The following IL21R variants were observed in gnomAD, a reference collection of about 807,000 sequenced individuals.
IL21R encodes interleukin-21 receptor.
Under a neutral mutation model 41.3 loss-of-function variants are expected in IL21R, and 14 were observed. That is an observed-to-expected ratio of 0.34 (90% CI 0.22 to 0.53). The LOEUF is 0.53. IL21R is among the 20% of genes least tolerant of loss of function. The pLI is 0.94. For synonymous variants in IL21R, 286 were observed against 287.6 expected (o/e 0.99, Z 0.05); for missense variants, 588 against 681.6 (o/e 0.86, Z 1.53).
chr16:27,418,501 T>C (rs141470910), intron 1 of IL21R, among the ~76,000 whole-genome samples: 1,820 of 152,262 alleles, frequency 0.012, 27 homozygotes, highest in African/African-American at 0.041. Context: ...CCAGAGTAGC[T>C]GGGACTACAG....
At chr16:27,442,904 C>T in intron 4 of IL21R, 58 bp from the exon 5 acceptor site, 1 of 1,503,256 alleles carries the variant, frequency 6.7e-7, no homozygotes, top group Non-Finnish European at 9.0e-7. Context: ...ATCACCAAAT[C>T]CTTTTCACCT....
Position 27,431,081 on chromosome 16 carries a change from G to A in IL21R, c.49+961G>A, listed in dbSNP as rs1333480034. On this transcript the variant is annotated intron_variant, in intron 2 of 8. Coordinates refer to ENST00000337929, the MANE Select transcript of IL21R (RefSeq NM_181078.3). ...GGAGGAGGGGGCCATGAGGAGGCGGGATCCAGCACAGACTTGTGTGGAGGC... is the reference window on the plus strand; with the variant it reads ...GGAGGAGGGGGCCATGAGGAGGCGGAATCCAGCACAGACTTGTGTGGAGGC... Among the ~76,000 whole-genome samples, 6 of 152,254 alleles carry A rather than the reference G, an allele frequency of 3.9e-5. No homozygotes were observed. In the South Asian group the frequency reaches 1.2e-3, roughly 32 times the overall value.
intron 1 of IL21R, among the ~76,000 whole-genome samples, chr16:27,415,125 T>C (rs975088769): frequency 1.3e-5 from 2 of 152,214 alleles, no homozygotes; most frequent in African/African-American, 4.8e-5. Flanking sequence ...CATGCCCTAA[T>C]TGAAGAGGAC....
chr16:27,408,422 G>C (rs2086780148), intron 1 of IL21R, among the ~76,000 whole-genome samples: 1 of 152,194 alleles, frequency 6.6e-6, no homozygotes, highest in South Asian at 2.1e-4. Context: ...ATCCCGAAAT[G>C]CCTTGAATAC....
rs368844676 is a variant in IL21R at position 27,429,823 on chromosome 16, C to T, written c.-16-233C>T. Among the ~76,000 whole-genome samples, 45 of 152,266 alleles carry T rather than the reference C, an allele frequency of 3.0e-4. No homozygotes were observed. In the South Asian group the frequency reaches 7.5e-3, roughly 25 times the overall value. On this transcript the variant is annotated intron_variant, in intron 1 of 8. Coordinates refer to ENST00000337929, the MANE Select transcript of IL21R (RefSeq NM_181078.3). ...AAACAAATTCACTTTGCATTTGTGA[C>T]GTGATGGGGCGGGGGCAGGAAGAAG...
At chr16:27,439,126 C>T (rs566854767) in intron 4 of IL21R, among the ~76,000 whole-genome samples, 2 of 152,150 alleles carry the variant, frequency 1.3e-5, no homozygotes, top group South Asian at 4.1e-4. Context: ...GTTTGCACCT[C>T]TTTGCTGAGT....
At chr16:27,405,279 T>A (rs140773713) in intron 1 of IL21R, among the ~76,000 whole-genome samples, 1,741 of 152,282 alleles carry the variant, frequency 0.011, 31 homozygotes, top group African/African-American at 0.039. Flanking sequence ...GTGATCTGCC[T>A]GTCTCAGTCT....
chr16:27,414,782 C>A (rs2086873579), intron 1 of IL21R, among the ~76,000 whole-genome samples: 1 of 152,200 alleles, frequency 6.6e-6, no homozygotes, highest in East Asian at 1.9e-4. Context: ...TTAGGATCTA[C>A]CTAATATGAA....
chr16:27,413,103 T>C (rs1233949944), intron 1 of IL21R, among the ~76,000 whole-genome samples: 1 of 152,202 alleles, frequency 6.6e-6, no homozygotes, highest in Non-Finnish European at 1.5e-5. Context: ...GGGCTTTTTA[T>C]ATATAAACTT....
Position 27,434,452 on chromosome 16 carries a change from AAGTAGCCGGGCCTCACC to A in IL21R, c.152+7_152+23del, listed in dbSNP as rs768314938. ...CCCAGCACGCTCACCCTTACCTGGT[AAGTAGCCGGGCCTCACC>A]AGTCCCCGGGGATGCAATTCAGGGT... is the stretch of plus-strand genomic sequence containing the variant. On this transcript the variant is annotated splice_donor_5th_base_variant and intron_variant, in intron 3 of 8. Coordinates refer to ENST00000337929, the MANE Select transcript of IL21R (RefSeq NM_181078.3). 47 of 1,598,540 alleles carry A rather than the reference AAGTAGCCGGGCCTCACC, an allele frequency of 2.9e-5. No homozygotes were observed. Among genetic ancestry groups the A allele is most frequent in the African/African-American group, 5.4e-5 (4 of 74,592 alleles).
chr16:27,443,090 A>T lies in IL21R; in HGVS notation c.481A>T (p.Arg161Trp). 1 of 1,613,558 alleles carries T rather than the reference A, an allele frequency of 6.2e-7. No individual in the cohort carries two copies. The highest frequency in any genetic ancestry group is 8.5e-7 in the Non-Finnish European group (1 of 1,179,732). Residue 161 changes from arginine (R) to tryptophan (W), a missense_variant, in exon 5 of 9, where the codon AGG (arginine) becomes TGG (tryptophan). Transcript: ENST00000337929. Reference protein sequence around the residue: ...KGKLQYELQYRNRGDPWAVSP... With the variant: ...KGKLQYELQYWNRGDPWAVSP... ...CAAGCTTCAGTATGAGCTGCAGTACAGGAACCGGGGAGACCCCTGGGCTGT... is the reference window on the plus strand; with the variant it reads ...CAAGCTTCAGTATGAGCTGCAGTACTGGAACCGGGGAGACCCCTGGGCTGT...
At chr16:27,405,358 G>A (rs973369690) in intron 1 of IL21R, among the ~76,000 whole-genome samples, 2 of 151,124 alleles carry the variant, frequency 1.3e-5, no homozygotes, top group African/African-American at 4.8e-5. Context: ...ATATGTAAGA[G>A]CTCTTTGCTT....
In IL21R at chr16:27,450,724, A is replaced by C; in HGVS notation, c.*1441A>C. 1 of 223,604 alleles carries C rather than the reference A, an allele frequency of 4.5e-6. No individual in the cohort carries two copies. Among genetic ancestry groups the C allele is most frequent in the Non-Finnish European group, 8.9e-6 (1 of 111,956 alleles). 13.9% of individuals were successfully genotyped at this position (223,604 alleles called of 1,614,324 possible). ...TCAGCCCCAGAGTAGCTGGAATTAC[A>C]GGCACACACCACCACGCCTGGCTAA... On this transcript the variant is annotated 3_prime_UTR_variant, in exon 9 of 9. Coordinates refer to ENST00000337929, the MANE Select transcript of IL21R (RefSeq NM_181078.3).
chr16:27,405,897 C>G (rs569624984), intron 1 of IL21R, among the ~76,000 whole-genome samples: 26 of 152,386 alleles, frequency 1.7e-4, no homozygotes, highest in African/African-American at 6.2e-4. Flanking sequence ...AGGAACCCAG[C>G]CTGCTGATCT....
chr16:27,422,430 C>CA (rs2087013000), intron 1 of IL21R, among the ~76,000 whole-genome samples: 1 of 152,088 alleles, frequency 6.6e-6, no homozygotes. Context: ...GATCATTTCA[C>CA]AATGTCTTCT....
intron 1 of IL21R, chr16:27,402,956 G>A: frequency 2.8e-6 from 1 of 360,344 alleles, no homozygotes. Context: ...CTGGGCGGCT[G>A]AGTCGGGAGG....
intron 1 of IL21R, 29 bp from the exon 2 acceptor site, chr16:27,430,027 G>A: frequency 6.3e-7 from 1 of 1,598,898 alleles, no homozygotes. Flanking sequence ...AGCCCGCCTG[G>A]CTCACCCTCC....
chr16:27,444,675 G>A lies in IL21R; in HGVS notation c.641G>A (p.Trp214Ter). ...PMPGSSYQGT[W>*]SEWSDPVIFQ... Reference sequence around the variant, plus strand: ...CCTGGCTCCTCCTACCAGGGGACCTGGAGTGAATGGAGTGACCCGGTCATC... The same window carrying A: ...CCTGGCTCCTCCTACCAGGGGACCTAGAGTGAATGGAGTGACCCGGTCATC... The change falls in exon 6 of 9, where the codon TGG (tryptophan) becomes TAG (stop). Residue 214 changes from tryptophan to a stop codon, truncating the protein, a stop_gained. Transcript: ENST00000337929. LOFTEE classifies it high-confidence loss of function. 1.3e-6 allele frequency: 2 copies of A among 1,549,892 alleles called. No individual in the cohort carries two copies. The highest frequency in any genetic ancestry group is 8.7e-7 in the Non-Finnish European group (1 of 1,149,038).
At chr16:27,408,263 A>G (rs2086777582) in intron 1 of IL21R, among the ~76,000 whole-genome samples, 1 of 152,376 alleles carries the variant, frequency 6.6e-6, no homozygotes, top group East Asian at 1.9e-4. Context: ...AAGACTGAGT[A>G]GGAGGCTAAC....
Sources: gnomAD v4.1 joint callset for allele counts (sites outside exome capture counted in the v4.1 genomes callset) on GRCh38, gnomAD v4.1.1 for gene constraint, MANE v1.5 for transcripts, NCBI Gene and HGNC (gene_info 2026-07-23, HGNC 2026-07-21) for gene names.